The following INTS7 variants were observed in gnomAD, a reference collection of about 807,000 sequenced individuals.
INTS7 encodes the protein chromosome 1 open reading frame 73.
Under a neutral mutation model 109.2 loss-of-function variants are expected in INTS7, and 46 were observed. That is an observed-to-expected ratio of 0.42 (90% CI 0.33 to 0.54). INTS7 has a LOEUF of 0.54. Among genes scored for constraint, INTS7 ranks in the 20% least tolerant of loss-of-function variants. The pLI is 0.07. For missense variants in INTS7, 929 were observed against 1,132.4 expected (o/e 0.82, Z 2.58); for synonymous variants, 412 against 402.9 (o/e 1.02, Z -0.27).
intron 3 of INTS7, among the ~76,000 whole-genome samples, chr1:212,018,948 T>C (rs751368208): frequency 2.6e-5 from 4 of 152,198 alleles, no homozygotes; most frequent in Non-Finnish European, 4.4e-5. Context: ...AGGGTAAAAA[T>C]ACCTTAAATT....
intron 1 of INTS7, among the ~76,000 whole-genome samples, chr1:212,029,465 A>G (rs1030904454): frequency 6.6e-6 from 1 of 152,198 alleles, no homozygotes; most frequent in Non-Finnish European, 1.5e-5. Flanking sequence ...TGCATCTCTA[A>G]CTTCTAAATC....
At chr1:211,987,687 G>A (rs1664952344) in intron 8 of INTS7, among the ~76,000 whole-genome samples, 199 bp downstream of exon 8, 1 of 151,858 alleles carries the variant, frequency 6.6e-6, no homozygotes, top group Admixed American at 6.6e-5. Flanking sequence ...ATATATTATT[G>A]ACTTAAGATC....
intron 17 of INTS7, among the ~76,000 whole-genome samples, chr1:211,948,719 G>T (rs1662949458): frequency 6.6e-6 from 1 of 152,264 alleles, no homozygotes; most frequent in South Asian, 2.1e-4. Context: ...GTTTTGTTTT[G>T]TTTTTTGAGA....
At position 211,942,750 on chromosome 1, in the gene INTS7, C is replaced by T. The variant is rs921533899; in HGVS notation, c.2602-639G>A. 2.0e-5 allele frequency among the ~76,000 whole-genome samples: 3 copies of T among 152,144 alleles called. No homozygotes were observed. The highest frequency in any genetic ancestry group is 6.5e-5 in the Admixed American group (1 of 15,286). ...ATGTTATAAAACACAGATTTATAGG[C>T]TCATTCATTTAGCCAGACACTCATG... is the stretch of plus-strand genomic sequence containing the variant. On this transcript the variant is annotated intron_variant, in intron 19 of 19. Transcript: ENST00000366994. The surrounding 1 kb of genome is among the most constrained non-coding windows in gnomAD (Gnocchi z 4.2).
intron 3 of INTS7, 28 bp downstream of exon 3, chr1:212,020,094 T>C (rs761637255): frequency 2.9e-5 from 41 of 1,411,282 alleles, no homozygotes; most frequent in Non-Finnish European, 1.3e-5. Flanking sequence ...AATAATCTCA[T>C]AGTGAATTAT....
intron 7 of INTS7, among the ~76,000 whole-genome samples, chr1:211,993,508 T>C (rs548123822): frequency 0.02 from 3,032 of 151,912 alleles, 31 homozygotes; most frequent in African/African-American, 0.026. Context: ...GATGAAACTC[T>C]GTCTCTACTA....
chr1:211,991,594 T>C (rs1261989596), intron 7 of INTS7, among the ~76,000 whole-genome samples: 2 of 152,076 alleles, frequency 1.3e-5, no homozygotes, highest in African/African-American at 4.8e-5. Context: ...AAATTAAAAA[T>C]CAAATGTAAG....
chr1:212,035,541 C>G lies in INTS7; in HGVS notation c.-104G>C. 2.2e-6 allele frequency: 2 copies of G among 923,920 alleles called. No individual in the cohort carries two copies. The highest frequency in any genetic ancestry group is 3.5e-6 in the Non-Finnish European group (2 of 575,392). 57.2% of individuals were successfully genotyped at this position (923,920 alleles called of 1,614,324 possible). Reference sequence around the variant, plus strand: ...TTCTTGCTGGTTTTTCTTCCGCGCGCTGTCAAGCCCTGTTACGCATGCGCC... The same window carrying G: ...TTCTTGCTGGTTTTTCTTCCGCGCGGTGTCAAGCCCTGTTACGCATGCGCC... On this transcript the variant is annotated 5_prime_UTR_variant, in exon 1 of 20. Coordinates refer to ENST00000366994, the MANE Select transcript of INTS7 (RefSeq NM_015434.4).
chr1:212,024,262 T>G (rs954592425), intron 1 of INTS7, among the ~76,000 whole-genome samples: 3 of 152,174 alleles, frequency 2.0e-5, no homozygotes, highest in African/African-American at 4.8e-5. Context: ...TGTTGATAGT[T>G]TGATAGTAAT....
chr1:211,972,748 G>A (rs1664238114), intron 13 of INTS7, among the ~76,000 whole-genome samples: 1 of 152,146 alleles, frequency 6.6e-6, no homozygotes, highest in South Asian at 2.1e-4. Context: ...CATTAAAAGA[G>A]GGTGAGAGAT....
chr1:211,983,381 C>G (rs1174852198), intron 8 of INTS7, among the ~76,000 whole-genome samples: 1 of 152,098 alleles, frequency 6.6e-6, no homozygotes, highest in Non-Finnish European at 1.5e-5. Flanking sequence ...GTTCATAAAA[C>G]TTATCAGTCA....
At chr1:212,023,734 C>T (rs1039137732) in intron 1 of INTS7, among the ~76,000 whole-genome samples, 12 of 152,160 alleles carry the variant, frequency 7.9e-5, no homozygotes, top group African/African-American at 2.9e-4. Flanking sequence ...TGCAGATGCT[C>T]TTCTGCTTAA....
At chr1:211,944,305 A>T (rs1317368212) in intron 19 of INTS7, among the ~76,000 whole-genome samples, 1 of 152,122 alleles carries the variant, frequency 6.6e-6, no homozygotes, top group African/African-American at 2.4e-5. Flanking sequence ...CCTAGCAGGG[A>T]GGAGGTGAGT....
Position 211,952,587 on chromosome 1 carries a change from A to G in INTS7, c.2298T>C (p.Tyr766=), listed in dbSNP as rs780271031. ...CACTTGCCATATAAGAAACAGGGGT[A>G]TATTTCCGATTGAGTGATTCTACCT... ...LEEVESLNRK[Y]TPVSYMHTAC... is the part of the protein sequence containing the mutation. The change falls in exon 17 of 20, where the codon TAT becomes TAC. Residue 766 remains tyrosine, a synonymous_variant. Transcript: ENST00000366994. 20 of 1,613,028 alleles carry G rather than the reference A, an allele frequency of 1.2e-5. No homozygotes were observed. The South Asian group carries it at 1.8e-4, about 14-fold the overall frequency.
At position 212,011,433 on chromosome 1, in the gene INTS7, G is replaced by A; in HGVS notation, c.510-12C>T. The A allele has an allele frequency of 6.5e-7, 1 of 1,532,154 alleles. No homozygotes were observed. The highest frequency in any genetic ancestry group is 8.9e-7 in the Non-Finnish European group (1 of 1,121,104). 94.9% of individuals were successfully genotyped at this position (1,532,154 alleles called of 1,614,324 possible). ...CTACAGCAAAATCCCTTTGGAAAAA[G>A]AGAACAGAGAACAGAAAAAACTTAC... On this transcript the variant is annotated splice_polypyrimidine_tract_variant and intron_variant, in intron 4 of 19. Transcript: ENST00000366994.
chr1:211,945,995 G>A (rs1662830738), intron 18 of INTS7, among the ~76,000 whole-genome samples: 5 of 152,192 alleles, frequency 3.3e-5, no homozygotes, highest in Admixed American at 6.5e-5. Context: ...CAAGATCCTT[G>A]CAGGCTACTG....
chr1:212,010,068 A>C (rs968344929), intron 5 of INTS7, among the ~76,000 whole-genome samples: 9 of 152,260 alleles, frequency 5.9e-5, no homozygotes, highest in African/African-American at 1.7e-4. Context: ...CCTCAAAGCC[A>C]AACTGTAAGT....
chr1:211,988,078 T>G (rs902856824), intron 7 of INTS7, 75 bp from the exon 8 acceptor site: 5 of 729,874 alleles, frequency 6.9e-6, no homozygotes, highest in Admixed American at 3.3e-5. Context: ...CCATTTACAT[T>G]TTCTGGCTTT....
At chr1:211,960,290 A>C (rs529883280) in intron 16 of INTS7, among the ~76,000 whole-genome samples, 11 of 150,378 alleles carry the variant, frequency 7.3e-5, no homozygotes, top group Non-Finnish European at 1.3e-4. Flanking sequence ...AATAGGATTA[A>C]AAAAAAAAAC....
Sources: allele counts gnomAD v4.1 joint callset (sites outside exome capture counted in the v4.1 genomes callset), GRCh38; gene constraint gnomAD v4.1.1; non-coding constraint Gnocchi (gnomAD v3.1); transcripts MANE v1.5; gene names NCBI Gene and HGNC (gene_info 2026-07-23, HGNC 2026-07-21).